The following CIROZ variants were observed in gnomAD, a reference collection of about 807,000 sequenced individuals.
CIROZ encodes ciliated left-right organizer protein containing ZP-N domains.
chr1:10,948,910 C>A, the CIROZ span: 11 of 1,406,462 alleles, frequency 7.8e-6, no homozygotes, highest in African/African-American at 1.6e-4. Flanking sequence ...CTCCGGCTGC[C>A]CTGAGAATCT....
the CIROZ span, chr1:10,957,459 G>A: frequency 6.3e-6 from 7 of 1,104,594 alleles, no homozygotes; most frequent in East Asian, 5.2e-5. Context: ...AGCGCTTTAC[G>A]CTAATGGGGC....
the CIROZ span, chr1:10,966,280 T>C: frequency 7.0e-7 from 1 of 1,423,370 alleles, no homozygotes; most frequent in African/African-American, 1.4e-5. Context: ...CAGTGTCTCC[T>C]TACTTGATAT....
At chr1:10,967,472 C>G in the CIROZ span, among the ~76,000 whole-genome samples, 1 of 152,344 alleles carries the variant, frequency 6.6e-6, no homozygotes, top group Admixed American at 6.5e-5. Context: ...TCTTAACACT[C>G]CCCGATCCTG....
chr1:10,958,810 C>T, the CIROZ span: 6 of 1,587,004 alleles, frequency 3.8e-6, no homozygotes, highest in South Asian at 6.7e-5. Context: ...GGTGAGCAAA[C>T]ATCCCTGCCT....
chr1:10,969,776 C>T, the CIROZ span, among the ~76,000 whole-genome samples: 2 of 149,172 alleles, frequency 1.3e-5, no homozygotes, highest in African/African-American at 5.2e-5. Flanking sequence ...GTGAGGAGTG[C>T]CGGGATTGTG....
the CIROZ span, chr1:10,949,727 C>A: frequency 6.3e-7 from 1 of 1,592,784 alleles, no homozygotes. Flanking sequence ...AGGTGGCACT[C>A]CCGCTGGAGG....
chr1:10,954,847 C>T, the CIROZ span: 2 of 890,560 alleles, frequency 2.2e-6, no homozygotes, highest in African/African-American at 3.3e-5. Context: ...CCGGCCTCGG[C>T]TTCCCAAAGT....
chr1:10,956,885 C>T, the CIROZ span: 99,660 of 718,976 alleles, frequency 0.14, 13,226 homozygotes, highest in African/African-American at 0.58. Context: ...ATTTCTGAAA[C>T]GCATAGCCAA....
At chr1:10,981,912 G>A in the CIROZ span, 4 of 1,445,230 alleles carry the variant, frequency 2.8e-6, no homozygotes, top group African/African-American at 2.8e-5. Context: ...TTAGATGCAA[G>A]GCTTCTGATT....
chr1:10,949,927 TGG>T, the CIROZ span: 12 of 984,910 alleles, frequency 1.2e-5, no homozygotes, highest in Non-Finnish European at 1.7e-5. Context: ...AACGGAAGCT[TGG>T]GGAGGTCAGA....
the CIROZ span, among the ~76,000 whole-genome samples, chr1:10,980,732 C>T: frequency 2.6e-5 from 4 of 152,196 alleles, no homozygotes; most frequent in Non-Finnish European, 5.9e-5. Flanking sequence ...TGTTCTCCTC[C>T]TTGAGCATCA....
the CIROZ span, among the ~76,000 whole-genome samples, chr1:10,978,992 T>A: frequency 8.9e-5 from 6 of 67,082 alleles, no homozygotes; most frequent in Non-Finnish European, 1.5e-4. Context: ...AGGATCTCAC[T>A]TTTTTTTTCT....
the CIROZ span, among the ~76,000 whole-genome samples, chr1:10,973,773 C>T: frequency 2.6e-5 from 4 of 152,106 alleles, no homozygotes; most frequent in African/African-American, 9.7e-5. Flanking sequence ...CAGGCAGGAG[C>T]CCCACCCTCC....
the CIROZ span, among the ~76,000 whole-genome samples, chr1:10,961,628 G>A: frequency 6.6e-6 from 1 of 152,104 alleles, no homozygotes; most frequent in African/African-American, 2.4e-5. Flanking sequence ...CACAGGGCTG[G>A]GCATACAATA....
the CIROZ span, chr1:10,948,852 A>G: frequency 6.7e-7 from 1 of 1,483,912 alleles, no homozygotes; most frequent in Non-Finnish European, 9.0e-7. Flanking sequence ...CTTCTTCACC[A>G]AGAGAGAAGT....
chr1:10,956,049 G>A, the CIROZ span, among the ~76,000 whole-genome samples: 2 of 152,166 alleles, frequency 1.3e-5, no homozygotes, highest in Middle Eastern at 6.8e-3. Flanking sequence ...CATTGCCAAT[G>A]CCTGAAAATC....
chr1:10,980,813 T>TG, the CIROZ span, among the ~76,000 whole-genome samples: 1 of 152,192 alleles, frequency 6.6e-6, no homozygotes. Context: ...CATCCCAGTC[T>TG]GGGGGGAGAC....
At chr1:10,954,602 C>T in the CIROZ span, among the ~76,000 whole-genome samples, 1 of 152,166 alleles carries the variant, frequency 6.6e-6, no homozygotes, top group Non-Finnish European at 1.5e-5. Flanking sequence ...AGTCCATTTT[C>T]AGCCAGCGCC....
At chr1:10,956,359 G>A in the CIROZ span, among the ~76,000 whole-genome samples, 1 of 152,170 alleles carries the variant, frequency 6.6e-6, no homozygotes, top group Non-Finnish European at 1.5e-5. Context: ...GAGCCCTGGA[G>A]GGTCTGACCA....
Sources: gnomAD v4.1 joint callset for allele counts (sites outside exome capture counted in the v4.1 genomes callset) on GRCh38, gnomAD v4.1.1 for gene constraint, MANE v1.5 for transcripts, NCBI Gene and HGNC (gene_info 2026-07-23, HGNC 2026-07-21) for gene names.